The following SEPTIN9 variants were observed in gnomAD, a reference collection of about 807,000 sequenced individuals.
SEPTIN9 encodes septin-9.
In SEPTIN9, 13 loss-of-function variants were observed where a neutral mutation model predicts 56.6. That is an observed-to-expected ratio of 0.23 (90% CI 0.15 to 0.37). The LOEUF (loss-of-function observed/expected upper bound fraction) is 0.37. Ranked by LOEUF, SEPTIN9 falls within the 10% of genes least tolerant of loss-of-function variation. The probability of loss-of-function intolerance (pLI) is 1.00; values close to 1 mark genes in which losing one functional copy is unlikely to be tolerated. For missense variants in SEPTIN9, 650 were observed against 823.1 expected, an observed-to-expected ratio of 0.79 and a Z score of 2.57; for synonymous variants, 332 against 334.1, an observed-to-expected ratio of 0.99 and a Z score of 0.07.
chr17:77,488,357 G>C, intron 6 of SEPTIN9, 36 bp downstream of exon 6: 1 of 1,569,246 alleles, frequency 6.4e-7, no homozygotes, highest in Non-Finnish European at 8.8e-7. Context: ...ACTAGCGGGG[G>C]CTTCAGGGCT....
At chr17:77,401,584 A>G (rs1598314886) in intron 2 of SEPTIN9, among the ~76,000 whole-genome samples, 2 of 152,174 alleles carry the variant, frequency 1.3e-5, no homozygotes, top group South Asian at 4.2e-4. Context: ...CATCTCTACT[A>G]AAAATACAAA....
chr17:77,401,512 G>A (rs887013922), intron 2 of SEPTIN9, among the ~76,000 whole-genome samples: 16 of 152,122 alleles, frequency 1.1e-4, no homozygotes, highest in Non-Finnish European at 1.8e-4. Flanking sequence ...TTGGGAGGCC[G>A]AGGCGGGTGG....
chr17:77,360,466 G>A (rs945291457), intron 2 of SEPTIN9, among the ~76,000 whole-genome samples: 55 of 152,140 alleles, frequency 3.6e-4, no homozygotes, highest in African/African-American at 1.3e-3. Flanking sequence ...TGCCACAGTG[G>A]GTGTGTTTAC....
rs1044206821 is a variant in SEPTIN9 at position 77,434,740 on chromosome 17, G to T, written c.721+32037G>T. Among the ~76,000 whole-genome samples the T allele has an allele frequency of 4.6e-5, 7 of 152,228 alleles. No homozygotes were observed. The highest frequency in any genetic ancestry group is 1.0e-4 in the Non-Finnish European group (7 of 68,038). On this transcript the variant is annotated intron_variant, in intron 3 of 11. Coordinates refer to ENST00000427177, the MANE Select transcript of SEPTIN9 (RefSeq NM_001113491.2). This position sits in a 1 kb window ranked among gnomAD's most constrained non-coding sequence, Gnocchi z 5.0. ...TGTTTGAAGGAGCGTGTGGAAGCCTGGGTGTGATGAAGGCAAGGACCGGTG... is the reference window on the plus strand; with the variant it reads ...TGTTTGAAGGAGCGTGTGGAAGCCTTGGTGTGATGAAGGCAAGGACCGGTG...
Position 77,307,131 on chromosome 17 carries a change from C to G in SEPTIN9, c.20-10C>G, listed in dbSNP as rs2032301989. The stretch of plus-strand genomic sequence containing the variant: ...CTTGTGTGACCTTTGCCCTTTGTCT[C>G]TGTCTTTAGGAGGCACGCGGACCTC... On this transcript the variant is annotated splice_polypyrimidine_tract_variant and intron_variant, in intron 1 of 11. Transcript: ENST00000427177. 2 of 1,613,754 alleles carry G rather than the reference C, an allele frequency of 1.2e-6. No homozygotes were observed. Among genetic ancestry groups the G allele is most frequent in the Non-Finnish European group, 1.7e-6 (2 of 1,179,794 alleles).
intron 3 of SEPTIN9, among the ~76,000 whole-genome samples, chr17:77,418,669 A>T (rs1040810058): frequency 1.6e-4 from 24 of 152,090 alleles, no homozygotes; most frequent in African/African-American, 5.8e-4. Context: ...TTTTCTCTTA[A>T]GGCCGTGAGG....
chr17:77,412,217 C>T (rs746914887), intron 3 of SEPTIN9, among the ~76,000 whole-genome samples: 6 of 152,010 alleles, frequency 3.9e-5, no homozygotes, highest in African/African-American at 7.2e-5. Flanking sequence ...CCCCTCCCCT[C>T]GTCGACCTGC....
chr17:77,286,059 G>A (rs969370871), intron 1 of SEPTIN9, among the ~76,000 whole-genome samples: 5 of 152,232 alleles, frequency 3.3e-5, no homozygotes, highest in African/African-American at 4.8e-5. Context: ...GCCTCCTCAC[G>A]TCCAAGCTTG....
chr17:77,352,768 A>C (rs962768418), intron 2 of SEPTIN9, among the ~76,000 whole-genome samples: 20 of 152,108 alleles, frequency 1.3e-4, no homozygotes, highest in Non-Finnish European at 2.6e-4. Flanking sequence ...AGGCTCAAGC[A>C]ATCCTCCCAC....
rs2040444790 is a variant in SEPTIN9 at position 77,500,236 on chromosome 17, A to G, written c.*1578A>G. ...GACTCCCTCCCCACCCAAGAGAGGAAGGACCCCTCACCACCCCCACTGGTG... is the reference window on the plus strand; with the variant it reads ...GACTCCCTCCCCACCCAAGAGAGGAGGGACCCCTCACCACCCCCACTGGTG... On this transcript the variant is annotated 3_prime_UTR_variant, in exon 12 of 12. Transcript: ENST00000427177. The G allele has an allele frequency of 4.3e-6, 1 of 231,716 alleles. No homozygotes were observed. The highest frequency in any genetic ancestry group is 5.6e-5 in the Admixed American group (1 of 17,730). 14.4% of individuals were successfully genotyped at this position (231,716 alleles called of 1,614,324 possible).
At chr17:77,287,845 A>G (rs2031347268) in intron 1 of SEPTIN9, 1 of 1,012,746 alleles carries the variant, frequency 9.9e-7, no homozygotes, top group Non-Finnish European at 1.2e-6. Flanking sequence ...CCAGGACAGG[A>G]AACAGGAGTG....
chr17:77,440,163 AT>A (rs1454552349), intron 3 of SEPTIN9, among the ~76,000 whole-genome samples: 1 of 151,656 alleles, frequency 6.6e-6, no homozygotes, highest in African/African-American at 2.4e-5. Context: ...TTTTAAATTT[AT>A]TTTTATTTGA....
intron 3 of SEPTIN9, among the ~76,000 whole-genome samples, chr17:77,478,192 G>A (rs1289285761): frequency 6.6e-6 from 1 of 152,124 alleles, no homozygotes; most frequent in African/African-American, 2.4e-5. Context: ...CTGGAATTCT[G>A]TACCATCCAG....
chr17:77,478,866 A>G (rs1389959331), intron 3 of SEPTIN9, among the ~76,000 whole-genome samples: 1 of 152,054 alleles, frequency 6.6e-6, no homozygotes, highest in Non-Finnish European at 1.5e-5. Context: ...AGAGGAAGTT[A>G]GGATACCTGC....
At position 77,487,699 on chromosome 17, in the gene SEPTIN9, G is replaced by A. The variant is rs570321761; in HGVS notation, c.1042+147G>A. On this transcript the variant is annotated intron_variant, in intron 5 of 11. Coordinates refer to ENST00000427177, the MANE Select transcript of SEPTIN9 (RefSeq NM_001113491.2). The surrounding 1 kb of genome is among the most constrained non-coding windows in gnomAD (Gnocchi z 4.3). The stretch of plus-strand genomic sequence containing the variant: ...CTCTGCCTTCCTGGAGCACAGAGTG[G>A]GGGGTCAAGACCATCACACACAGTC... 2.2e-5 allele frequency: 12 copies of A among 550,656 alleles called. 2 individuals carry two copies. In the East Asian group the frequency reaches 2.7e-4, roughly 13 times the overall value. The allele number at this position is 550,656 out of a possible 1,614,324, so 34.1% of individuals were successfully genotyped here.
intron 3 of SEPTIN9, among the ~76,000 whole-genome samples, chr17:77,414,605 T>C: frequency 7.0e-6 from 1 of 143,506 alleles, no homozygotes. Flanking sequence ...TGAGATAGGG[T>C]CTCACTCTGT....
At chr17:77,290,220 C>G (rs73365495) in intron 1 of SEPTIN9, among the ~76,000 whole-genome samples, 1,547 of 151,672 alleles carry the variant, frequency 0.01, 25 homozygotes, top group African/African-American at 0.036. Context: ...TAGGTGGAGA[C>G]TGGCTTCAAC....
intron 2 of SEPTIN9, chr17:77,375,335 G>A (rs902878720): frequency 6.6e-6 from 1 of 152,252 alleles, no homozygotes; most frequent in African/African-American, 2.4e-5. Context: ...CGAGGTCTCT[G>A]CTCTCAGTTC....
At chr17:77,406,705 C>T (rs934134180) in intron 3 of SEPTIN9, among the ~76,000 whole-genome samples, 1 of 151,352 alleles carries the variant, frequency 6.6e-6, no homozygotes, top group African/African-American at 2.4e-5. Context: ...GAGTCTCTCT[C>T]TATCACCCAG....
Sources: allele counts gnomAD v4.1 joint callset (sites outside exome capture counted in the v4.1 genomes callset), GRCh38; gene constraint gnomAD v4.1.1; non-coding constraint Gnocchi (gnomAD v3.1); transcripts MANE v1.5; gene names NCBI Gene and HGNC (gene_info 2026-07-23, HGNC 2026-07-21).